Variants in UBE2L3 observed in about 807,000 individuals in gnomAD.
UBE2L3 encodes the protein ubiquitin-conjugating enzyme E2 L3.
UBE2L3 carries 1 observed loss-of-function variant against 17.8 expected under a neutral mutation model. That is an observed-to-expected ratio of 0.06 (90% CI 0.02 to 0.27). The LOEUF (loss-of-function observed/expected upper bound fraction) is 0.27. Among genes scored for constraint, UBE2L3 ranks in the 10% least tolerant of loss-of-function variants. The pLI, the probability that UBE2L3 is intolerant of heterozygous loss-of-function variation, is 1.00. For synonymous variants in UBE2L3, 44 were observed against 68.5 expected, an observed-to-expected ratio of 0.64 and a Z score of 1.76; for missense variants, 40 against 192.6, an observed-to-expected ratio of 0.21 and a Z score of 4.69.
intron 1 of UBE2L3, among the ~76,000 whole-genome samples, chr22:21,586,570 CTT>C (rs77935916): frequency 2.7e-4 from 37 of 138,080 alleles, no homozygotes; most frequent in Non-Finnish European, 3.6e-4. Context: ...TGCACCCAGC[CTT>C]TTTTTTTTTT....
At position 21,567,865 on chromosome 22, in the gene UBE2L3, C is replaced by G. The variant is rs991878000; in HGVS notation, c.27+94C>G. ...CGGCGGCTTCTCAGGGCGCTGCCGT[C>G]TGGCTTCCTGCCCTACACGGCCTCG... On this transcript the variant is annotated intron_variant, in intron 1 of 3. Transcript: ENST00000342192. The G allele has an allele frequency of 1.8e-5, 28 of 1,547,614 alleles. No individual in the cohort carries two copies. The East Asian group carries it at 6.3e-4, about 35-fold the overall frequency.
intron 1 of UBE2L3, among the ~76,000 whole-genome samples, chr22:21,556,223 C>G (rs1406053510): frequency 6.6e-6 from 1 of 152,024 alleles, no homozygotes; most frequent in Non-Finnish European, 1.5e-5. Context: ...ATAGTGACAC[C>G]CTGTTTCTAA....
chr22:21,590,831 A>C (rs1601416341), intron 1 of UBE2L3, among the ~76,000 whole-genome samples: 1 of 152,282 alleles, frequency 6.6e-6, no homozygotes, highest in East Asian at 1.9e-4. Flanking sequence ...TTCCCACCCC[A>C]GATTCCTTTT....
intron 1 of UBE2L3, among the ~76,000 whole-genome samples, chr22:21,579,812 C>T (rs545812415): frequency 6.6e-6 from 1 of 152,148 alleles, no homozygotes; most frequent in East Asian, 1.9e-4. Flanking sequence ...TCATTGCTAA[C>T]GGTTGTCTTA....
intron 1 of UBE2L3, among the ~76,000 whole-genome samples, chr22:21,591,506 G>C (rs1423499126): frequency 6.6e-6 from 1 of 152,198 alleles, no homozygotes; most frequent in East Asian, 1.9e-4. Flanking sequence ...CCTCTCTGCT[G>C]CTCTGGGCCG....
chr22:21,591,268 G>T (rs1312987805), intron 1 of UBE2L3, among the ~76,000 whole-genome samples: 2 of 152,224 alleles, frequency 1.3e-5, no homozygotes, highest in Non-Finnish European at 2.9e-5. Flanking sequence ...GCTCCCAGCA[G>T]TGCCTCTTCT....
At chr22:21,615,882 T>C (rs1026689063) in intron 3 of UBE2L3, among the ~76,000 whole-genome samples, 1 of 152,198 alleles carries the variant, frequency 6.6e-6, no homozygotes, top group East Asian at 1.9e-4. Context: ...GCCAAACTTC[T>C]TGGATTTTGT....
At chr22:21,568,029 C>T (rs550026680) in intron 1 of UBE2L3, 1 of 1,304,636 alleles carries the variant, frequency 7.7e-7, no homozygotes, top group South Asian at 2.2e-5. Flanking sequence ...CACTCTCCGC[C>T]CGGAGCTTGG....
At chr22:21,576,782 GCTT>G (rs1398714693) in intron 1 of UBE2L3, among the ~76,000 whole-genome samples, 1 of 148,510 alleles carries the variant, frequency 6.7e-6, no homozygotes, top group Non-Finnish European at 1.5e-5. Context: ...TAATATTCTT[GCTT>G]CTTGTCTTCT....
intron 1 of UBE2L3, among the ~76,000 whole-genome samples, chr22:21,569,310 C>T (rs549182602): frequency 6.7e-6 from 1 of 148,962 alleles, no homozygotes; most frequent in African/African-American, 2.5e-5. Flanking sequence ...GTGGAAGAGT[C>T]GCTTGAACCC....
chr22:21,562,079 C>G (rs1926451812), intron 1 of UBE2L3, among the ~76,000 whole-genome samples: 1 of 152,054 alleles, frequency 6.6e-6, no homozygotes, highest in East Asian at 1.9e-4. Flanking sequence ...CGAGGCCCCT[C>G]CTCTGAGCCC....
At chr22:21,574,182 A>G (rs1927136891) in intron 1 of UBE2L3, among the ~76,000 whole-genome samples, 1 of 152,036 alleles carries the variant, frequency 6.6e-6, no homozygotes, top group Admixed American at 6.6e-5. Context: ...CCCCACCCCT[A>G]TAAGAAAGGG....
chr22:21,598,031 A>C (rs1928644074), intron 2 of UBE2L3, among the ~76,000 whole-genome samples: 1 of 147,252 alleles, frequency 6.8e-6, no homozygotes. Context: ...GAACTCCTAG[A>C]CTCAAGTGAT....
chr22:21,565,889 T>G (rs895596801), upstream of UBE2L3, among the ~76,000 whole-genome samples: 1 of 151,424 alleles, frequency 6.6e-6, no homozygotes, highest in Non-Finnish European at 1.5e-5. Flanking sequence ...CCTGAATGAT[T>G]GCAACCGGTT....
intron 1 of UBE2L3, among the ~76,000 whole-genome samples, chr22:21,581,797 T>C (rs563458135): frequency 3.7e-4 from 51 of 138,286 alleles, no homozygotes; most frequent in African/African-American, 1.3e-3. Context: ...AGTGTAACTG[T>C]CTCAAAAAAA....
chr22:21,573,986 GGACA>G (rs1927125802), intron 1 of UBE2L3, among the ~76,000 whole-genome samples: 1 of 152,208 alleles, frequency 6.6e-6, no homozygotes, highest in African/African-American at 2.4e-5. Context: ...ATGGATTTAA[GGACA>G]GGTGGCAGAG....
intron 2 of UBE2L3, among the ~76,000 whole-genome samples, chr22:21,610,558 T>C (rs1389935805): frequency 6.6e-6 from 1 of 152,204 alleles, no homozygotes; most frequent in Non-Finnish European, 1.5e-5. Context: ...TTAGGAATTC[T>C]CTGTCCTTTC....
intron 1 of UBE2L3, among the ~76,000 whole-genome samples, chr22:21,580,315 C>G (rs894833152): frequency 1.3e-5 from 2 of 152,212 alleles, no homozygotes; most frequent in Non-Finnish European, 1.5e-5. Flanking sequence ...GCCCCACTTG[C>G]CCATCTCAGG....
chr22:21,588,584 G>A (rs1488019219), intron 1 of UBE2L3, among the ~76,000 whole-genome samples: 2 of 148,444 alleles, frequency 1.3e-5, no homozygotes, highest in Non-Finnish European at 3.0e-5. Context: ...TGATTCTTCC[G>A]CTTTCACCTC....
Sources: allele counts gnomAD v4.1 joint callset (sites outside exome capture counted in the v4.1 genomes callset), GRCh38; gene constraint gnomAD v4.1.1; transcripts MANE v1.5; gene names NCBI Gene and HGNC (gene_info 2026-07-23, HGNC 2026-07-21).